The following DNAH7 variants were observed in gnomAD, a reference collection of about 807,000 sequenced individuals.
DNAH7 encodes the protein dynein axonemal heavy chain 7.
Under a neutral mutation model 444.6 loss-of-function variants are expected in DNAH7, and 397 were observed. That is an observed-to-expected ratio of 0.89 (90% CI 0.82 to 0.97). DNAH7 has a LOEUF of 0.97. Ranked by LOEUF, DNAH7 falls within the 50% of genes least tolerant of loss-of-function variation. DNAH7 has a pLI of 0.00. For missense variants in DNAH7, 4,902 were observed against 4,800.8 expected (o/e 1.02, Z -0.62); for synonymous variants, 1,636 against 1,624.4 (o/e 1.01, Z -0.17).
intron 5 of DNAH7, among the ~76,000 whole-genome samples, chr2:196,040,483 T>C (rs1296862460): frequency 6.6e-6 from 1 of 152,160 alleles, no homozygotes; most frequent in Non-Finnish European, 1.5e-5. Flanking sequence ...CATACAATCA[T>C]CTTAATAGAT....
chr2:195,832,647 G>A (rs940678762), intron 48 of DNAH7, among the ~76,000 whole-genome samples: 6 of 151,846 alleles, frequency 4.0e-5, no homozygotes, highest in Non-Finnish European at 8.8e-5. Context: ...TCACCATGTT[G>A]CCCAAGTTAG....
intron 47 of DNAH7, among the ~76,000 whole-genome samples, chr2:195,834,691 T>C (rs2124959807): frequency 6.6e-6 from 1 of 152,358 alleles, no homozygotes; most frequent in South Asian, 2.1e-4. Context: ...AGGACTGCGT[T>C]GGAAATAAGG....
At chr2:195,967,016 T>C (rs565810131) in intron 17 of DNAH7, among the ~76,000 whole-genome samples, 1 of 152,308 alleles carries the variant, frequency 6.6e-6, no homozygotes, top group African/African-American at 2.4e-5. Context: ...CTGGTTGTTT[T>C]GTGGGCTTCT....
At chr2:196,053,094 T>G (rs1184597186) in intron 2 of DNAH7, among the ~76,000 whole-genome samples, 3 of 152,140 alleles carry the variant, frequency 2.0e-5, no homozygotes, top group Middle Eastern at 3.2e-3. Context: ...GTATGTACAA[T>G]GAAGAATAAT....
chr2:195,950,871 A>AAAAAAAAACAAC lies in DNAH7; in HGVS notation c.3078+6389_3078+6390insGTTGTTTTTTTT, dbSNP rs1553575663. Among the ~76,000 whole-genome samples, 183 of 147,400 alleles carry AAAAAAAAACAAC rather than the reference A, an allele frequency of 1.2e-3. 6 individuals carry two copies. The highest frequency in any genetic ancestry group is 4.4e-3 in the African/African-American group (173 of 39,016). On this transcript the variant is annotated intron_variant, in intron 19 of 64. Transcript: ENST00000312428. ...TGTCTCAAAAAAAAAAAAAAAAAAAAAAAAAAAACCCAGCTCCTGGATTCA... is the reference window on the plus strand; with the variant it reads ...TGTCTCAAAAAAAAAAAAAAAAAAAAAAAAAAAACAACAAAAAAAACCCAGCTCCTGGATTCA...
chr2:195,957,917 G>T (rs1280714198), intron 18 of DNAH7, among the ~76,000 whole-genome samples: 1 of 151,990 alleles, frequency 6.6e-6, no homozygotes, highest in Admixed American at 6.6e-5. Flanking sequence ...GACAGTAAAG[G>T]TATTCCCAAT....
chr2:195,744,046 G>A (rs527885906), intron 63 of DNAH7, among the ~76,000 whole-genome samples: 30 of 152,340 alleles, frequency 2.0e-4, no homozygotes, highest in African/African-American at 4.8e-4. Context: ...TGCGCCACCC[G>A]AAGCAGGGCA....
At chr2:195,790,577 A>G (rs188744478) in intron 57 of DNAH7, among the ~76,000 whole-genome samples, 38 of 152,312 alleles carry the variant, frequency 2.5e-4, no homozygotes, top group African/African-American at 8.9e-4. Context: ...GTTGACAAAA[A>G]TAAGCAATGG....
chr2:195,982,007 G>T lies in DNAH7; in HGVS notation c.1833+2625C>A, dbSNP rs75726560. On this transcript the variant is annotated intron_variant, in intron 15 of 64. Coordinates refer to ENST00000312428, the MANE Select transcript of DNAH7 (RefSeq NM_018897.3). ...AAAGCTGCTACATGGCAAAGGAAAC[G>T]ATCAACAACATGAAGAGACAACCCA... Among the ~76,000 whole-genome samples the T allele has an allele frequency of 0.019, 2,915 of 152,126 alleles. 234 individuals are homozygous for T. The East Asian group carries it at 0.26, about 14-fold the overall frequency.
chr2:195,910,064 T>A lies in DNAH7; in HGVS notation c.4067A>T (p.Asp1356Val). Residue 1356 changes from aspartate to valine, a missense_variant, in exon 25 of 65, where the codon GAT becomes GTT. Physicochemically the swap from Asp to Val is radical, Grantham distance 152 (BLOSUM62 -3). Transcript: ENST00000312428. Reference sequence around the variant, plus strand: ...TCCCAAAGCCAAATAATCCAACCCATCAGAGCAGTTGAAAACAACACATTG... The same window carrying A: ...TCCCAAAGCCAAATAATCCAACCCAACAGAGCAGTTGAAAACAACACATTG... ...AKQCVVFNCS[D>V]GLDYLALGKF... is the part of the protein sequence containing the mutation. The A allele has an allele frequency of 6.2e-7, 1 of 1,613,622 alleles. No individual in the cohort carries two copies. The highest frequency in any genetic ancestry group is 2.2e-5 in the East Asian group (1 of 44,852).
intron 30 of DNAH7, chr2:195,893,886 G>C (rs918544022): frequency 6.6e-6 from 1 of 151,932 alleles, no homozygotes; most frequent in South Asian, 2.1e-4. Flanking sequence ...GGTTCTTTTG[G>C]AGACTTTATT....
chr2:195,936,790 A>G lies in DNAH7; in HGVS notation c.3081T>C (p.Asp1027=), dbSNP rs1332665007. 1 of 1,493,846 alleles carries G rather than the reference A, an allele frequency of 6.7e-7. No individual in the cohort carries two copies. The highest frequency in any genetic ancestry group is 8.9e-7 in the Non-Finnish European group (1 of 1,125,396). The allele number at this position is 1,493,846 out of a possible 1,614,324, so 92.5% of individuals were successfully genotyped here. ...WRDIMRSVMQ[D]KHVLTVVTID... is the part of the protein sequence containing the mutation. ...TGGTTACAACTGTCAGAACATGTTTATCCTAAAAATAAAAATAAAAAACAC... is the reference window on the plus strand; with the variant it reads ...TGGTTACAACTGTCAGAACATGTTTGTCCTAAAAATAAAAATAAAAAACAC... Residue 1027 remains aspartate, a splice_region_variant and synonymous_variant, in exon 20 of 65, where the codon GAT becomes GAC. Transcript: ENST00000312428.
intron 17 of DNAH7, among the ~76,000 whole-genome samples, chr2:195,967,061 A>C (rs1362568438): frequency 6.6e-6 from 1 of 151,840 alleles, no homozygotes. Flanking sequence ...CCTTTTAGTG[A>C]AGGTGATTTT....
chr2:195,754,409 T>C lies in DNAH7; in HGVS notation c.11692A>G (p.Ile3898Val). 2 of 1,613,994 alleles carry C rather than the reference T, an allele frequency of 1.2e-6. No homozygotes were observed. Among genetic ancestry groups the C allele is most frequent in the Non-Finnish European group, 1.7e-6 (2 of 1,179,956 alleles). ...AQQNYARKYT[I>V]PIDLLGFDYE... The stretch of plus-strand genomic sequence containing the variant: ...TCAAACCCAAGAAGATCAATAGGAA[T>C]TGTGTATTTCCTGGCGTAGTTCTGC... Residue 3898 changes from isoleucine to valine, a missense_variant, in exon 63 of 65, where the codon ATT becomes GTT. Coordinates refer to ENST00000312428, the MANE Select transcript of DNAH7 (RefSeq NM_018897.3).
At position 196,025,252 on chromosome 2, in the gene DNAH7, G is replaced by A. The variant is rs151319776; in HGVS notation, c.668-748C>T. 2.2e-3 allele frequency among the ~76,000 whole-genome samples: 337 copies of A among 152,234 alleles called. 1 individual carries two copies. Among genetic ancestry groups the A allele is most frequent in the African/African-American group, 7.6e-3 (317 of 41,548 alleles). On this transcript the variant is annotated intron_variant, in intron 7 of 64. Transcript: ENST00000312428. ...TTAAGTTGCATAAGAGCATAAAACA[G>A]TCTTGTTATAAAATCAGAGAAGTCA...
intron 1 of DNAH7, among the ~76,000 whole-genome samples, chr2:196,062,793 T>A (rs1052195516): frequency 6.6e-6 from 1 of 152,224 alleles, no homozygotes; most frequent in Admixed American, 6.5e-5. Context: ...AGAACTCCCA[T>A]CAACATTCAA....
intron 1 of DNAH7, among the ~76,000 whole-genome samples, chr2:196,061,804 C>G (rs1044142187): frequency 6.6e-6 from 1 of 152,122 alleles, no homozygotes; most frequent in African/African-American, 2.4e-5. Flanking sequence ...CATTACATAC[C>G]TGAATCTATT....
chr2:195,875,602 T>G, intron 38 of DNAH7, 73 bp downstream of exon 38: 2 of 1,415,612 alleles, frequency 1.4e-6, no homozygotes, highest in Non-Finnish European at 1.9e-6. Flanking sequence ...AAGAGGATTT[T>G]TTTCCAGTTA....
intron 47 of DNAH7, among the ~76,000 whole-genome samples, chr2:195,840,743 A>T (rs949340305): frequency 6.6e-6 from 1 of 151,800 alleles, no homozygotes; most frequent in Admixed American, 6.6e-5. Context: ...CAGAAATAAA[A>T]GAAATACTGG....
Sources: gnomAD v4.1 joint callset for allele counts (sites outside exome capture counted in the v4.1 genomes callset) on GRCh38, gnomAD v4.1.1 for gene constraint, MANE v1.5 for transcripts, NCBI Gene and HGNC (gene_info 2026-07-23, HGNC 2026-07-21) for gene names.